The following CCDC171 variants were observed in gnomAD, a reference collection of about 807,000 sequenced individuals.
The protein encoded by CCDC171 is coiled-coil domain containing 171.
Under a neutral mutation model 168.2 loss-of-function variants are expected in CCDC171, and 177 were observed. The observed-to-expected ratio is 1.05, with a 90% CI of 0.93 to 1.19. The LOEUF (loss-of-function observed/expected upper bound fraction) is 1.19, where lower values mean the gene tolerates loss of function less well. CCDC171 is among the 50% of genes most tolerant of loss of function. The probability of loss-of-function intolerance (pLI) is 0.00; values close to 1 mark genes in which losing one functional copy is unlikely to be tolerated. For missense variants in CCDC171, 1,991 were observed against 1,539.0 expected (o/e 1.29, Z -4.91); for synonymous variants, 687 against 540.8 (o/e 1.27, Z -3.75).
In CCDC171 at chr9:15,875,439, G is replaced by T. The variant is rs1052190205; in HGVS notation, c.3600+776G>T. On this transcript the variant is annotated intron_variant, in intron 24 of 25. Transcript: ENST00000380701. ...TCTTAATCTGACAAAATGAAATTCA[G>T]TGTGTCCTTTTAATGCCCAAAACCT... The T allele has an allele frequency of 2.0e-4, 31 of 151,534 alleles. 1 individual carries two copies. The highest frequency in any genetic ancestry group is 1.4e-3 in the Admixed American group (22 of 15,198). The allele number at this position is 151,534 out of a possible 1,614,324, so 9.4% of individuals were successfully genotyped here.
At chr9:15,631,343 A>G (rs1179586716) in intron 7 of CCDC171, among the ~76,000 whole-genome samples, 1 of 152,176 alleles carries the variant, frequency 6.6e-6, no homozygotes, top group Non-Finnish European at 1.5e-5. Flanking sequence ...AGGGGATATC[A>G]CCACCGATCC....
chr9:15,621,927 A>G (rs1564068457), intron 6 of CCDC171, among the ~76,000 whole-genome samples: 2 of 152,374 alleles, frequency 1.3e-5, no homozygotes, highest in East Asian at 3.8e-4. Flanking sequence ...TGATATATAT[A>G]CATCATTAAA....
At position 15,872,164 on chromosome 9, in the gene CCDC171, C is replaced by G. The variant is rs1295575145; in HGVS notation, c.3469-2368C>G. ...AATTAAATGGAAGTATTAAAGCATG[C>G]ATATTATTCAAATGATTATGATGTT... is the stretch of plus-strand genomic sequence containing the variant. On this transcript the variant is annotated intron_variant, in intron 23 of 25. Transcript: ENST00000380701. Among the ~76,000 whole-genome samples the G allele has an allele frequency of 2.6e-5, 4 of 151,868 alleles. No homozygotes were observed. The East Asian group carries it at 7.7e-4, about 29-fold the overall frequency.
At position 15,951,009 on chromosome 9, in the gene CCDC171, G is replaced by T. The variant is rs1469776220; in HGVS notation, c.3754-20600G>T. ...ATAAAACAGACTTTAAACCAACAAA[G>T]ATCAAAAGAGACAAAGAAGGCCATT... On this transcript the variant is annotated intron_variant, in intron 25 of 25. Transcript: ENST00000380701. Among the ~76,000 whole-genome samples the T allele has an allele frequency of 1.2e-3, 176 of 150,608 alleles. 1 individual carries two copies. The highest frequency in any genetic ancestry group is 4.1e-3 in the African/African-American group (168 of 41,400).
chr9:15,659,710 A>C (rs935626522), intron 8 of CCDC171, among the ~76,000 whole-genome samples: 1 of 152,168 alleles, frequency 6.6e-6, no homozygotes, highest in Non-Finnish European at 1.5e-5. Flanking sequence ...ATCTCACTTT[A>C]TTTGTGCTCT....
At chr9:15,804,744 T>C (rs2058995204) in intron 21 of CCDC171, among the ~76,000 whole-genome samples, 1 of 152,168 alleles carries the variant, frequency 6.6e-6, no homozygotes, top group Admixed American at 6.6e-5. Context: ...AATGCTGGCC[T>C]CATAGAATGA....
chr9:15,702,153 G>A (rs2051801658), intron 11 of CCDC171, among the ~76,000 whole-genome samples: 1 of 152,116 alleles, frequency 6.6e-6, no homozygotes, highest in Non-Finnish European at 1.5e-5. Flanking sequence ...CTTTTTGTGA[G>A]TAGTAAGTCT....
intron 18 of CCDC171, chr9:15,776,116 C>T (rs1424581253): frequency 2.0e-5 from 3 of 151,998 alleles, no homozygotes; most frequent in Non-Finnish European, 4.4e-5. Context: ...CCATATAAAG[C>T]TACTTAGTTC....
At chr9:16,062,217 G>A (rs1331467741), downstream of CCDC171, among the ~76,000 whole-genome samples, 3 of 152,104 alleles carry the variant, frequency 2.0e-5, no homozygotes, top group Non-Finnish European at 4.4e-5. Flanking sequence ...AAGGGGAGAA[G>A]GTTATGGACA....
chr9:15,623,227 C>T (rs955132985), intron 6 of CCDC171, 40 bp from the exon 7 acceptor site: 12 of 1,494,002 alleles, frequency 8.0e-6, no homozygotes, highest in Non-Finnish European at 1.1e-5. Flanking sequence ...TCATTGATGG[C>T]TTATAAACTT....
At chr9:15,856,908 G>A (rs748783118) in intron 23 of CCDC171, among the ~76,000 whole-genome samples, 5 of 151,872 alleles carry the variant, frequency 3.3e-5, no homozygotes, top group African/African-American at 9.7e-5. Flanking sequence ...CATCCTAATA[G>A]GTATGAGGTG....
At chr9:15,642,343 G>GTGTGTGTATATATA (rs1369419679) in intron 7 of CCDC171, among the ~76,000 whole-genome samples, 2 of 107,570 alleles carry the variant, frequency 1.9e-5, no homozygotes, top group African/African-American at 5.0e-5. Flanking sequence ...GTGTGTGTGT[G>GTGTGTGTATATATA]TATATATATA....
chr9:16,088,501 T>C, the CCDC171 span, among the ~76,000 whole-genome samples: 1 of 152,208 alleles, frequency 6.6e-6, no homozygotes, highest in Non-Finnish European at 1.5e-5. Context: ...CTCCTTAAGC[T>C]GATAAGCAAC....
At chr9:15,649,708 C>G (rs1054951165) in intron 7 of CCDC171, among the ~76,000 whole-genome samples, 1 of 152,178 alleles carries the variant, frequency 6.6e-6, no homozygotes, top group Non-Finnish European at 1.5e-5. Flanking sequence ...GATACCATCT[C>G]ACACCAGTTA....
chr9:15,637,535 T>C (rs962018651), intron 7 of CCDC171, among the ~76,000 whole-genome samples: 13 of 151,896 alleles, frequency 8.6e-5, no homozygotes, highest in African/African-American at 3.1e-4. Flanking sequence ...TAGTTACATA[T>C]GTATACATGT....
Position 15,848,952 on chromosome 9 carries a change from T to C in CCDC171, c.3468+5T>C, listed in dbSNP as rs2061014395. ...GTAGAAAATACGCTTCACAAGGTAC[T>C]GTTATTTTTCTTTAATATTGTTCAA... is the stretch of plus-strand genomic sequence containing the variant. On this transcript the variant is annotated splice_donor_5th_base_variant and intron_variant, in intron 23 of 25. Transcript: ENST00000380701. 1 of 1,499,090 alleles carries C rather than the reference T, an allele frequency of 6.7e-7. No homozygotes were observed. The highest frequency in any genetic ancestry group is 9.1e-7 in the Non-Finnish European group (1 of 1,103,732). 92.9% of individuals were successfully genotyped at this position (1,499,090 alleles called of 1,614,324 possible).
At chr9:15,949,449 C>T (rs1197108796) in intron 25 of CCDC171, among the ~76,000 whole-genome samples, 1 of 152,124 alleles carries the variant, frequency 6.6e-6, no homozygotes, top group South Asian at 2.1e-4. Context: ...TCTTCCTACA[C>T]ATGAGCATGG....
chr9:15,878,732 G>A (rs1307933422), intron 24 of CCDC171, among the ~76,000 whole-genome samples: 1 of 151,454 alleles, frequency 6.6e-6, no homozygotes, highest in Non-Finnish European at 1.5e-5. Flanking sequence ...CAACCTAAAT[G>A]TCCATCCATG....
chr9:15,971,893 A>G lies in CCDC171; in HGVS notation c.*57A>G. 1 of 1,440,294 alleles carries G rather than the reference A, an allele frequency of 6.9e-7. No individual in the cohort carries two copies. The highest frequency in any genetic ancestry group is 2.3e-5 in the East Asian group (1 of 43,782). The allele number at this position is 1,440,294 out of a possible 1,614,324, so 89.2% of individuals were successfully genotyped here. A position where few individuals can be genotyped will look rare whatever the true frequency, so the allele number is the denominator to read the frequency against. On this transcript the variant is annotated 3_prime_UTR_variant, in exon 26 of 26. Coordinates refer to ENST00000380701, the MANE Select transcript of CCDC171 (RefSeq NM_173550.4). ...AACAGTACAATTAAAATTGTTTTGA[A>G]TGGGAATTTTCTTATCAGTTGACTT...
Sources: allele counts gnomAD v4.1 joint callset (sites outside exome capture counted in the v4.1 genomes callset), GRCh38; gene constraint gnomAD v4.1.1; transcripts MANE v1.5; gene names NCBI Gene and HGNC (gene_info 2026-07-23, HGNC 2026-07-21).